The following MAP3K1 variants were observed in gnomAD, a reference collection of about 807,000 sequenced individuals.
MAP3K1 encodes the protein mitogen-activated protein kinase kinase kinase 1.
In MAP3K1, 36 loss-of-function variants were observed where a neutral mutation model predicts 144.2. That is an observed-to-expected ratio of 0.25 (90% CI 0.19 to 0.33). The LOEUF is 0.33. Ranked by LOEUF, MAP3K1 falls within the 10% of genes least tolerant of loss-of-function variation. MAP3K1 has a pLI of 1.00. For synonymous variants in MAP3K1, 718 were observed against 688.7 expected (o/e 1.04, Z -0.67); for missense variants, 1,650 against 1,881.9 (o/e 0.88, Z 2.28).
intron 1 of MAP3K1, among the ~76,000 whole-genome samples, chr5:56,819,493 C>T (rs1169426399): frequency 1.3e-5 from 2 of 151,956 alleles, no homozygotes; most frequent in Non-Finnish European, 2.9e-5. Flanking sequence ...CAGTCCTTGA[C>T]ACTGGCTGTG....
At chr5:56,885,615 A>G (rs1442342253) in intron 16 of MAP3K1, among the ~76,000 whole-genome samples, 1 of 152,204 alleles carries the variant, frequency 6.6e-6, no homozygotes, top group Non-Finnish European at 1.5e-5. Flanking sequence ...AGTCATTAAT[A>G]AAGTTGTTTT....
chr5:56,854,088 T>A (rs1455304312), intron 1 of MAP3K1, among the ~76,000 whole-genome samples: 2 of 152,154 alleles, frequency 1.3e-5, no homozygotes, highest in Non-Finnish European at 2.9e-5. Context: ...GACAATATTA[T>A]CAAAAGTCTT....
intron 9 of MAP3K1, among the ~76,000 whole-genome samples, chr5:56,874,730 G>A (rs1287676244): frequency 6.6e-6 from 1 of 152,036 alleles, no homozygotes; most frequent in Non-Finnish European, 1.5e-5. Flanking sequence ...GTTTTGGTAA[G>A]CATGTGGGAC....
intron 16 of MAP3K1, among the ~76,000 whole-genome samples, chr5:56,885,396 G>A (rs1238121121): frequency 6.6e-6 from 1 of 150,836 alleles, no homozygotes; most frequent in Non-Finnish European, 1.5e-5. Flanking sequence ...CAGTTCTTAA[G>A]TATGTTATCT....
chr5:56,864,996 T>C (rs980126644), intron 4 of MAP3K1, 62 bp downstream of exon 4: 1 of 1,395,012 alleles, frequency 7.2e-7, no homozygotes, highest in South Asian at 1.2e-5. Flanking sequence ...CTCAAATTTA[T>C]ATACTATAAT....
intron 1 of MAP3K1, among the ~76,000 whole-genome samples, chr5:56,852,913 A>G (rs1343848318): frequency 6.6e-6 from 1 of 152,132 alleles, no homozygotes; most frequent in South Asian, 2.1e-4. Flanking sequence ...ACATACACAC[A>G]CACACTCATC....
chr5:56,835,935 T>C (rs1281650350), intron 1 of MAP3K1, among the ~76,000 whole-genome samples: 2 of 152,198 alleles, frequency 1.3e-5, no homozygotes, highest in African/African-American at 4.8e-5. Context: ...TTGTGTTCTC[T>C]TTGTTTAAAT....
At chr5:56,840,389 C>G (rs1005896266) in intron 1 of MAP3K1, among the ~76,000 whole-genome samples, 2 of 152,170 alleles carry the variant, frequency 1.3e-5, no homozygotes, top group Non-Finnish European at 2.9e-5. Flanking sequence ...TTGAGGTGTT[C>G]TACCCGCCTC....
Position 56,815,621 on chromosome 5 carries a change from C to T in MAP3K1, c.48C>T (p.Gly16=). 1 of 1,312,104 alleles carries T rather than the reference C, an allele frequency of 7.6e-7. No homozygotes were observed. Among genetic ancestry groups the T allele is most frequent in the African/African-American group, 1.5e-5 (1 of 64,752 alleles). The allele number at this position is 1,312,104 out of a possible 1,614,324, so 81.3% of individuals were successfully genotyped here. The change falls in exon 1 of 20, where the codon GGC becomes GGT. Residue 16 remains glycine, a synonymous_variant. Coordinates refer to ENST00000399503, the MANE Select transcript of MAP3K1 (RefSeq NM_005921.2). ...GNRASSSGFP[G]ARATSPEAGG... The stretch of plus-strand genomic sequence containing the variant: ...GCGCCTCGTCGTCGGGATTCCCGGG[C>T]GCCAGGGCTACGAGCCCTGAGGCAG...
Position 56,893,971 on chromosome 5 carries a change from T to C in MAP3K1, c.*291T>C, listed in dbSNP as rs756446292. On this transcript the variant is annotated 3_prime_UTR_variant, in exon 20 of 20. Transcript: ENST00000399503. ...CATGACTAAATTGCAGAAGCATAATTTTATTTTTTTGGAGCACTTTTTCAG... is the reference window on the plus strand; with the variant it reads ...CATGACTAAATTGCAGAAGCATAATCTTATTTTTTTGGAGCACTTTTTCAG... 4 of 446,270 alleles carry C rather than the reference T, an allele frequency of 9.0e-6. No individual in the cohort carries two copies. The highest frequency in any genetic ancestry group is 1.6e-5 in the Non-Finnish European group (4 of 243,328). 27.6% of individuals were successfully genotyped at this position (446,270 alleles called of 1,614,324 possible).
At chr5:56,879,966 T>G (rs1322895683) in intron 11 of MAP3K1, among the ~76,000 whole-genome samples, 1 of 152,204 alleles carries the variant, frequency 6.6e-6, no homozygotes, top group Non-Finnish European at 1.5e-5. Flanking sequence ...TCTCAAAAAT[T>G]AGGTACCTAC....
At chr5:56,843,743 AAAT>A (rs1479517066) in intron 1 of MAP3K1, among the ~76,000 whole-genome samples, 1 of 152,184 alleles carries the variant, frequency 6.6e-6, no homozygotes, top group Non-Finnish European at 1.5e-5. Flanking sequence ...CTGGCTGTCT[AAAT>A]AATCTTTTCT....
intron 1 of MAP3K1, chr5:56,817,073 C>A: frequency 2.1e-5 from 21 of 985,414 alleles, no homozygotes; most frequent in Non-Finnish European, 2.3e-5. Context: ...TGGGCTTCGG[C>A]TCAGATGCGT....
chr5:56,832,242 A>T, intron 1 of MAP3K1, among the ~76,000 whole-genome samples: 1 of 152,314 alleles, frequency 6.6e-6, no homozygotes, highest in Admixed American at 6.5e-5. Context: ...TTATGGTCAT[A>T]GCATTTTAGA....
intron 19 of MAP3K1, among the ~76,000 whole-genome samples, chr5:56,890,687 G>A (rs1183933022): frequency 6.6e-6 from 1 of 152,142 alleles, no homozygotes; most frequent in East Asian, 1.9e-4. Flanking sequence ...AAACGAGTAT[G>A]AAGCTGTTGG....
intron 1 of MAP3K1, among the ~76,000 whole-genome samples, chr5:56,823,489 A>G (rs923844509): frequency 1.2e-4 from 19 of 152,116 alleles, no homozygotes; most frequent in African/African-American, 4.1e-4. Flanking sequence ...ACCTCATTTG[A>G]TGAATGACTG....
At chr5:56,855,172 C>T (rs888720084) in intron 1 of MAP3K1, among the ~76,000 whole-genome samples, 3 of 151,728 alleles carry the variant, frequency 2.0e-5, no homozygotes, top group Non-Finnish European at 4.4e-5. Flanking sequence ...CTCCATCCCC[C>T]CTTCCTCTTT....
intron 1 of MAP3K1, among the ~76,000 whole-genome samples, chr5:56,836,784 G>GGGAC (rs2111800789): frequency 6.6e-6 from 1 of 152,234 alleles, no homozygotes; most frequent in African/African-American, 2.4e-5. Context: ...CTGAAGGAAA[G>GGGAC]GGACCCAGGA....
chr5:56,859,992 C>T lies in MAP3K1; in HGVS notation c.834+77C>T. 4 of 1,258,322 alleles carry T rather than the reference C, an allele frequency of 3.2e-6. No individual in the cohort carries two copies. The South Asian group carries it at 3.9e-5, about 12-fold the overall frequency. The allele number at this position is 1,258,322 out of a possible 1,614,324, so 77.9% of individuals were successfully genotyped here. A position where few individuals can be genotyped will look rare whatever the true frequency, so the allele number is the denominator to read the frequency against. Reference sequence around the variant, plus strand: ...TTATAACAAAGAAAAGACTGGCCAGCCATCTGTTAGAACATCAGTTTTCAA... The same window carrying T: ...TTATAACAAAGAAAAGACTGGCCAGTCATCTGTTAGAACATCAGTTTTCAA... On this transcript the variant is annotated intron_variant, in intron 3 of 19. Transcript: ENST00000399503.
Sources: allele counts gnomAD v4.1 joint callset (sites outside exome capture counted in the v4.1 genomes callset), GRCh38; gene constraint gnomAD v4.1.1; transcripts MANE v1.5; gene names NCBI Gene and HGNC (gene_info 2026-07-23, HGNC 2026-07-21).